Variants in SEMA3A observed in about 807,000 individuals in gnomAD.
SEMA3A encodes semaphorin 3A.
Under a neutral mutation model 97.9 loss-of-function variants are expected in SEMA3A, and 29 were observed. The ratio of observed to expected loss-of-function variants is 0.30; its 90% CI spans 0.22 to 0.40. SEMA3A has a LOEUF of 0.40. Ranked by LOEUF, SEMA3A falls within the 10% of genes least tolerant of loss-of-function variation. SEMA3A has a pLI of 1.00. For missense variants in SEMA3A, 763 were observed against 951.3 expected, an observed-to-expected ratio of 0.80 and a Z score of 2.60; for synonymous variants, 321 against 323.7, an observed-to-expected ratio of 0.99 and a Z score of 0.09.
At chr7:84,049,730 ATACTTT>A (rs1282788426) in intron 5 of SEMA3A, among the ~76,000 whole-genome samples, 1 of 151,516 alleles carries the variant, frequency 6.6e-6, no homozygotes, top group Non-Finnish European at 1.5e-5. Context: ...AATTATTATT[ATACTTT>A]AAGTTTTAGG....
intron 2 of SEMA3A, among the ~76,000 whole-genome samples, chr7:84,321,958 A>G (rs1183314268): frequency 6.6e-6 from 1 of 150,790 alleles, no homozygotes; most frequent in African/African-American, 2.4e-5. Context: ...AAGAGGTTTA[A>G]TTGACTCACA....
At chr7:84,358,300 A>G (rs1802622613) in intron 2 of SEMA3A, among the ~76,000 whole-genome samples, 2 of 152,144 alleles carry the variant, frequency 1.3e-5, no homozygotes, top group Admixed American at 6.6e-5. Context: ...ATCCATCTTG[A>G]ATTAATTTTT....
intron 1 of SEMA3A, among the ~76,000 whole-genome samples, chr7:84,458,514 C>A (rs995867909): frequency 6.6e-6 from 1 of 151,782 alleles, no homozygotes; most frequent in South Asian, 2.1e-4. Context: ...CTAATGTACT[C>A]CAGTGGAATT....
intron 2 of SEMA3A, chr7:84,371,773 C>T (rs1162411138): frequency 6.6e-6 from 1 of 151,772 alleles, no homozygotes; most frequent in Non-Finnish European, 1.5e-5. Flanking sequence ...AGTCAAACAC[C>T]AAGCAAAGAG....
At chr7:83,973,114 A>G (rs1436107681) in intron 15 of SEMA3A, among the ~76,000 whole-genome samples, 4 of 152,144 alleles carry the variant, frequency 2.6e-5, no homozygotes, top group African/African-American at 4.8e-5. Flanking sequence ...TCCTACTGAT[A>G]TGATACCTCT....
chr7:84,087,983 T>A (rs1332136816), intron 4 of SEMA3A, among the ~76,000 whole-genome samples: 1 of 152,202 alleles, frequency 6.6e-6, no homozygotes, highest in Non-Finnish European at 1.5e-5. Flanking sequence ...TAATTAAATA[T>A]CCCTGTTTTA....
At chr7:84,309,440 T>C (rs900702484) in intron 2 of SEMA3A, among the ~76,000 whole-genome samples, 1 of 152,054 alleles carries the variant, frequency 6.6e-6, no homozygotes, top group Non-Finnish European at 1.5e-5. Context: ...AGCAGAGAGA[T>C]GGTTGTAAAG....
chr7:83,963,465 T>C (rs1206065072), intron 15 of SEMA3A, 118 bp from the exon 16 acceptor site: 8 of 1,078,232 alleles, frequency 7.4e-6, no homozygotes, highest in Middle Eastern at 2.5e-4. Flanking sequence ...TTGTTTCACA[T>C]TGATTGAGGA....
intron 1 of SEMA3A, among the ~76,000 whole-genome samples, chr7:84,408,804 A>G (rs1300349261): frequency 6.6e-6 from 1 of 151,816 alleles, no homozygotes. Context: ...ACAAAAAACC[A>G]AACACCACAT....
chr7:84,061,773 C>G (rs1321891033), intron 4 of SEMA3A, among the ~76,000 whole-genome samples: 1 of 152,104 alleles, frequency 6.6e-6, no homozygotes, highest in Non-Finnish European at 1.5e-5. Context: ...TCCAAGTGTT[C>G]TGTTTTTACT....
intron 1 of SEMA3A, among the ~76,000 whole-genome samples, chr7:84,410,902 TGACAC>T (rs1332304814): frequency 6.6e-6 from 1 of 152,146 alleles, no homozygotes; most frequent in African/African-American, 2.4e-5. Flanking sequence ...AGCTTTATAC[TGACAC>T]AGTGACAACT....
At chr7:84,063,670 C>T (rs979082300) in intron 4 of SEMA3A, among the ~76,000 whole-genome samples, 13 of 144,714 alleles carry the variant, frequency 9.0e-5, no homozygotes, top group Admixed American at 2.1e-4. Flanking sequence ...AGGGTATCAG[C>T]GATGGAAGAT....
At chr7:84,204,506 C>A (rs142018549) in intron 3 of SEMA3A, among the ~76,000 whole-genome samples, 143 of 152,154 alleles carry the variant, frequency 9.4e-4, no homozygotes, top group African/African-American at 3.4e-3. Flanking sequence ...ATGAGAATAT[C>A]ATGTAGATAC....
chr7:84,481,456 A>T (rs1806443638), intron 1 of SEMA3A, among the ~76,000 whole-genome samples: 1 of 152,204 alleles, frequency 6.6e-6, no homozygotes, highest in Non-Finnish European at 1.5e-5. Flanking sequence ...CTGATGTTGA[A>T]ATCCACTATC....
intron 1 of SEMA3A, among the ~76,000 whole-genome samples, chr7:84,445,534 A>G (rs866961519): frequency 7.4e-5 from 11 of 149,026 alleles, no homozygotes; most frequent in Non-Finnish European, 1.5e-4. Flanking sequence ...AAGAAAAGAA[A>G]AGAAGAGAAA....
intron 2 of SEMA3A, among the ~76,000 whole-genome samples, chr7:84,322,982 T>C (rs1801686914): frequency 6.6e-6 from 1 of 152,286 alleles, no homozygotes; most frequent in East Asian, 1.9e-4. Context: ...CTGCATTCAC[T>C]GGACAAAATT....
chr7:84,049,235 G>T (rs1792489461), intron 5 of SEMA3A, among the ~76,000 whole-genome samples: 1 of 152,004 alleles, frequency 6.6e-6, no homozygotes, highest in Admixed American at 6.6e-5. Context: ...AGAGTTAGAT[G>T]ATTTTATTGA....
At chr7:84,006,069 A>G (rs1218022867) in intron 10 of SEMA3A, among the ~76,000 whole-genome samples, 2 of 152,156 alleles carry the variant, frequency 1.3e-5, no homozygotes, top group African/African-American at 4.8e-5. Context: ...AATGCATGTA[A>G]TGAATTCAGT....
Position 84,134,880 on chromosome 7 carries a change from AAAGG to A in SEMA3A, c.180_183del (p.Leu61TrpfsTer50), listed in dbSNP as rs1474344080. 1 of 1,613,804 alleles carries A rather than the reference AAAGG, an allele frequency of 6.2e-7. No individual in the cohort carries two copies. Among genetic ancestry groups the A allele is most frequent in the Non-Finnish European group, 8.5e-7 (1 of 1,179,860 alleles). On this transcript the variant is annotated frameshift_variant, in exon 2 of 17. Coordinates refer to ENST00000265362, the MANE Select transcript of SEMA3A (RefSeq NM_006080.3). LOFTEE classifies it high-confidence loss of function. The stretch of plus-strand genomic sequence containing the variant: ...TACAGCCTACTCCGTTCCTCATCCA[AAAGG>A]AAGGTATGATAACTGGAGCTGTTGG...
Sources: gnomAD v4.1 joint callset for allele counts (sites outside exome capture counted in the v4.1 genomes callset) on GRCh38, gnomAD v4.1.1 for gene constraint, MANE v1.5 for transcripts, NCBI Gene and HGNC (gene_info 2026-07-23, HGNC 2026-07-21) for gene names.